The following GPATCH2 variants were observed in gnomAD, a reference collection of about 807,000 sequenced individuals.
GPATCH2 encodes the protein G-patch domain containing 2.
In GPATCH2, 51 loss-of-function variants were observed where a neutral mutation model predicts 58.0. The ratio of observed to expected loss-of-function variants is 0.88; its 90% confidence interval spans 0.70 to 1.11. The LOEUF is 1.11. Ranked by LOEUF, GPATCH2 falls within the 50% of genes most tolerant of loss-of-function variation. GPATCH2 has a pLI of 0.00. For synonymous variants in GPATCH2, 222 were observed against 218.5 expected, an observed-to-expected ratio of 1.02 and a Z score of -0.14; for missense variants, 625 against 652.2, an observed-to-expected ratio of 0.96 and a Z score of 0.45.
intron 6 of GPATCH2, among the ~76,000 whole-genome samples, chr1:217,508,724 T>C (rs901477401): frequency 3.9e-5 from 6 of 152,106 alleles, no homozygotes; most frequent in Admixed American, 1.3e-4. Context: ...ACAGAATAAT[T>C]AAAAGAGAAT....
At chr1:217,511,817 C>CTGTGTGTGTGTG (rs35836441) in intron 6 of GPATCH2, among the ~76,000 whole-genome samples, 18 of 149,038 alleles carry the variant, frequency 1.2e-4, no homozygotes, top group Middle Eastern at 3.5e-3. Flanking sequence ...AACTGGAAGT[C>CTGTGTGTGTGTG]TGTGTGTGTG....
chr1:217,549,138 G>A (rs1344023335), intron 5 of GPATCH2, among the ~76,000 whole-genome samples: 1 of 152,040 alleles, frequency 6.6e-6, no homozygotes, highest in Non-Finnish European at 1.5e-5. Flanking sequence ...TTAAGTTTTG[G>A]CAGCTCTCAT....
intron 6 of GPATCH2, among the ~76,000 whole-genome samples, chr1:217,505,974 C>T (rs530988628): frequency 6.6e-6 from 1 of 152,278 alleles, no homozygotes; most frequent in East Asian, 1.9e-4. Context: ...AGGCATGTGC[C>T]ACCACGCCAG....
At chr1:217,611,210 G>C (rs1023916027) in intron 3 of GPATCH2, 139 bp from the exon 4 acceptor site, 10 of 719,956 alleles carry the variant, frequency 1.4e-5, no homozygotes, top group Non-Finnish European at 2.0e-5. Context: ...TTTAATATAA[G>C]TATTATATAC....
At chr1:217,431,604 C>A (rs1658537781) in intron 9 of GPATCH2, among the ~76,000 whole-genome samples, 1 of 152,172 alleles carries the variant, frequency 6.6e-6, no homozygotes, top group Non-Finnish European at 1.5e-5. Context: ...CCTCTCTGGG[C>A]TTTTGTTTCC....
At chr1:217,582,194 T>G (rs1010071959) in intron 5 of GPATCH2, among the ~76,000 whole-genome samples, 4 of 152,178 alleles carry the variant, frequency 2.6e-5, no homozygotes. Flanking sequence ...CCTCTTCCTG[T>G]GCCATTCCCC....
chr1:217,515,895 A>C (rs1419110121), intron 5 of GPATCH2, among the ~76,000 whole-genome samples: 1 of 152,074 alleles, frequency 6.6e-6, no homozygotes, highest in African/African-American at 2.4e-5. Context: ...ATGTATTATA[A>C]CACATACATT....
intron 5 of GPATCH2, among the ~76,000 whole-genome samples, chr1:217,584,264 G>A (rs536932771): frequency 1.5e-3 from 230 of 149,392 alleles, no homozygotes; most frequent in African/African-American, 5.1e-3. Context: ...AGGCCGAGGC[G>A]GGCAGATCAC....
intron 9 of GPATCH2, 126 bp downstream of exon 9, chr1:217,449,120 TTTG>T (rs1317085409): frequency 7.7e-6 from 5 of 647,274 alleles, no homozygotes; most frequent in Middle Eastern, 2.5e-4. Context: ...ATGCAAATGA[TTTG>T]TTTTCATAGT....
intron 9 of GPATCH2, among the ~76,000 whole-genome samples, chr1:217,435,813 AAG>A (rs892802668): frequency 2.8e-4 from 42 of 152,204 alleles, no homozygotes; most frequent in African/African-American, 9.2e-4. Flanking sequence ...AGATGAGAGA[AAG>A]TGGTAGGTGT....
chr1:217,532,261 C>G (rs891444956), intron 5 of GPATCH2, among the ~76,000 whole-genome samples: 2 of 152,170 alleles, frequency 1.3e-5, no homozygotes, highest in Non-Finnish European at 2.9e-5. Context: ...GTGGCAGAAA[C>G]TCTCAGAAGC....
At chr1:217,438,953 A>T (rs1658992431) in intron 9 of GPATCH2, among the ~76,000 whole-genome samples, 1 of 152,210 alleles carries the variant, frequency 6.6e-6, no homozygotes, top group Non-Finnish European at 1.5e-5. Context: ...CCAATATTAG[A>T]CAGAGCAACG....
intron 5 of GPATCH2, among the ~76,000 whole-genome samples, chr1:217,528,032 G>C (rs1180972956): frequency 1.3e-5 from 2 of 152,186 alleles, no homozygotes; most frequent in East Asian, 3.9e-4. Flanking sequence ...CTGAGTGTTA[G>C]AGCTGGCTAG....
At chr1:217,613,355 AAC>A (rs1668726123) in intron 3 of GPATCH2, among the ~76,000 whole-genome samples, 1 of 152,150 alleles carries the variant, frequency 6.6e-6, no homozygotes, top group Non-Finnish European at 1.5e-5. Context: ...TAACATCATT[AAC>A]TAAATTTATA....
At chr1:217,574,224 A>T (rs1439253393) in intron 5 of GPATCH2, among the ~76,000 whole-genome samples, 1 of 152,180 alleles carries the variant, frequency 6.6e-6, no homozygotes, top group Admixed American at 6.5e-5. Context: ...GTGACACAAA[A>T]TGTGCCTTTT....
chr1:217,515,181 C>T (rs894417130), intron 5 of GPATCH2, among the ~76,000 whole-genome samples: 5 of 151,664 alleles, frequency 3.3e-5, no homozygotes, highest in South Asian at 2.1e-4. Context: ...CTGCAAGCTC[C>T]GCCTCCCAGG....
intron 5 of GPATCH2, among the ~76,000 whole-genome samples, chr1:217,580,677 T>C (rs186377766): frequency 4.8e-4 from 73 of 152,252 alleles, no homozygotes; most frequent in African/African-American, 1.6e-3. Context: ...CAAGCTTTGC[T>C]ACTTACTAAG....
Position 217,610,334 on chromosome 1 carries a change from G to A in GPATCH2, c.1085C>T (p.Thr362Ile), listed in dbSNP as rs1668564115. 2 of 1,587,616 alleles carry A rather than the reference G, an allele frequency of 1.3e-6. No homozygotes were observed. Among genetic ancestry groups the A allele is most frequent in the South Asian group, 1.1e-5 (1 of 90,114 alleles). Reference sequence around the variant, plus strand: ...AAGTATGCCTACCATTGAAGTTGGAGTCCCTCCAGATTTTTTAATATTCTT... The same window carrying A: ...AAGTATGCCTACCATTGAAGTTGGAATCCCTCCAGATTTTTTAATATTCTT... The part of the protein sequence containing the change: ...SSKNIKKSGG[T>I]PTSMVPIPGP... Residue 362 changes from threonine (T) to isoleucine (I), a missense_variant, in exon 5 of 10, where the codon ACT becomes ATT. Transcript: ENST00000366935.
intron 5 of GPATCH2, among the ~76,000 whole-genome samples, chr1:217,602,595 A>G (rs541613114): frequency 2.0e-5 from 3 of 152,288 alleles, no homozygotes; most frequent in South Asian, 2.1e-4. Flanking sequence ...ATGAGGGACC[A>G]TGGAGGTCAG....
Sources: allele counts gnomAD v4.1 joint callset (sites outside exome capture counted in the v4.1 genomes callset), GRCh38; gene constraint gnomAD v4.1.1; transcripts MANE v1.5; gene names NCBI Gene and HGNC (gene_info 2026-07-23, HGNC 2026-07-21).